SLC4A4: variants seen among roughly 807,000 people sequenced by gnomAD.
SLC4A4 encodes electrogenic sodium bicarbonate cotransporter 1.
SLC4A4 carries 27 observed loss-of-function variants against 111.5 expected under a neutral mutation model. The observed-to-expected ratio is 0.24, with a 90% CI of 0.18 to 0.33. SLC4A4 has a LOEUF of 0.33. SLC4A4 is among the 10% of genes least tolerant of loss of function. SLC4A4 has a pLI of 1.00. For synonymous variants in SLC4A4, 443 were observed against 463.4 expected, an observed-to-expected ratio of 0.96 and a Z score of 0.57; for missense variants, 909 against 1,315.5, an observed-to-expected ratio of 0.69 and a Z score of 4.78.
At position 71,350,181 on chromosome 4, in the gene SLC4A4, A is replaced by T. The variant is rs188924372; in HGVS notation, c.550+109A>T. 3.6e-6 allele frequency: 4 copies of T among 1,106,170 alleles called. No individual in the cohort carries two copies. In the East Asian group the frequency reaches 7.1e-5, roughly 20 times the overall value. The allele number at this position is 1,106,170 out of a possible 1,614,324, so 68.5% of individuals were successfully genotyped here. A position where few individuals can be genotyped will look rare whatever the true frequency, so the allele number is the denominator to read the frequency against. ...TAAGCAGAGTTAAATGTTTTATAAC[A>T]TTTATTCTCTCTTTTTGCATTATAA... On this transcript the variant is annotated intron_variant, in intron 5 of 25. Transcript: ENST00000264485.
At chr4:71,418,672 T>G (rs1460723760) in intron 7 of SLC4A4, among the ~76,000 whole-genome samples, 1 of 152,148 alleles carries the variant, frequency 6.6e-6, no homozygotes, top group Non-Finnish European at 1.5e-5. Flanking sequence ...AAAACAAAAA[T>G]ATGTTTCTAG....
intron 4 of SLC4A4, among the ~76,000 whole-genome samples, chr4:71,340,484 T>TTA (rs1728818473): frequency 6.6e-6 from 1 of 152,198 alleles, no homozygotes; most frequent in Non-Finnish European, 1.5e-5. Context: ...TTATTACGTT[T>TTA]TATATACAGG....
chr4:71,115,911 G>A (rs1031137967), intron 2 of SLC4A4, among the ~76,000 whole-genome samples: 1 of 151,466 alleles, frequency 6.6e-6, no homozygotes, highest in Non-Finnish European at 1.5e-5. Flanking sequence ...TTTTGTTTTT[G>A]GAGACGGAGT....
At chr4:71,407,029 G>A (rs540235442) in intron 7 of SLC4A4, among the ~76,000 whole-genome samples, 26 of 152,206 alleles carry the variant, frequency 1.7e-4, no homozygotes, top group African/African-American at 5.8e-4. Flanking sequence ...AAGTTAAATA[G>A]CATCTAAATG....
chr4:71,403,273 C>A (rs1720535665), intron 7 of SLC4A4, among the ~76,000 whole-genome samples: 1 of 152,104 alleles, frequency 6.6e-6, no homozygotes, highest in Admixed American at 6.6e-5. Context: ...TAAAACACCC[C>A]ATCACTGCAT....
intron 2 of SLC4A4, among the ~76,000 whole-genome samples, chr4:71,141,966 TACAATATAATAG>T (rs1302745911): frequency 2.6e-5 from 4 of 152,356 alleles, no homozygotes; most frequent in African/African-American, 9.6e-5. Flanking sequence ...AGGCTGGCCC[TACAATATAATAG>T]CACTTACTGA....
At chr4:71,338,571 T>TA (rs1326576457) in intron 3 of SLC4A4, among the ~76,000 whole-genome samples, 1 of 151,818 alleles carries the variant, frequency 6.6e-6, no homozygotes, top group East Asian at 1.9e-4. Context: ...TTCTTCTTTT[T>TA]TTTTTTTTTG....
rs371044274 is a variant in SLC4A4 at position 71,487,032 on chromosome 4, T to A, written c.1974+14T>A. ...TCTACTGACATGGTAAGTGACTTAC[T>A]ATTTTAAATTACCTTCATACTGACT... On this transcript the variant is annotated intron_variant, in intron 15 of 25. Coordinates refer to ENST00000264485, the MANE Select transcript of SLC4A4 (RefSeq NM_001098484.3). The A allele has an allele frequency of 1.8e-4, 263 of 1,471,190 alleles. No individual in the cohort carries two copies. Among genetic ancestry groups the A allele is most frequent in the Non-Finnish European group, 2.5e-4 (263 of 1,052,190 alleles). The allele number at this position is 1,471,190 out of a possible 1,614,324, so 91.1% of individuals were successfully genotyped here.
chr4:71,122,142 C>T lies in SLC4A4; in HGVS notation c.-2+29350C>T, dbSNP rs117572726. ...AACTGTAACACTCACCACGAGCGTC[C>T]GTGGCTGCATTCTTGAAGTCAGTGA... is the stretch of plus-strand genomic sequence containing the variant. On this transcript the variant is annotated intron_variant, in intron 2 of 26. Transcript: ENST00000649996. Among the ~76,000 whole-genome samples the T allele has an allele frequency of 7.2e-3, 1,097 of 151,950 alleles. 45 individuals carry two copies. In the East Asian group the frequency reaches 0.11, roughly 15 times the overall value.
At chr4:71,293,854 C>G (rs1408334546) in intron 3 of SLC4A4, among the ~76,000 whole-genome samples, 2 of 152,188 alleles carry the variant, frequency 1.3e-5, no homozygotes, top group African/African-American at 4.8e-5. Context: ...CGCTGTCACT[C>G]TTAGTCTGAG....
At chr4:71,301,260 T>A (rs1725234124) in intron 3 of SLC4A4, 1 of 247,764 alleles carries the variant, frequency 4.0e-6, no homozygotes, top group African/African-American at 2.3e-5. Context: ...TTACGGGAAA[T>A]CAAGTTATGG....
At chr4:71,174,468 G>A (rs570036315) in intron 2 of SLC4A4, among the ~76,000 whole-genome samples, 135 of 151,948 alleles carry the variant, frequency 8.9e-4, no homozygotes, top group Non-Finnish European at 1.5e-3. Context: ...GGCTGGTCTC[G>A]AACTCCTGGA....
At chr4:71,495,274 C>T (rs1218291839) in intron 15 of SLC4A4, among the ~76,000 whole-genome samples, 2 of 152,060 alleles carry the variant, frequency 1.3e-5, no homozygotes, top group African/African-American at 4.8e-5. Flanking sequence ...TTTAATGCAA[C>T]TTATCTGTGG....
Position 71,404,630 on chromosome 4 carries a change from C to A in SLC4A4, c.807+6977C>A, listed in dbSNP as rs543484498. On this transcript the variant is annotated intron_variant, in intron 7 of 25. Coordinates refer to ENST00000264485, the MANE Select transcript of SLC4A4 (RefSeq NM_001098484.3). ...CTTTGATGGACGTATACTCTCACAT[C>A]ACAAGTTACTTACATCTGACAGAGA... 5.3e-5 allele frequency among the ~76,000 whole-genome samples: 8 copies of A among 152,252 alleles called. No individual in the cohort carries two copies. In the South Asian group the frequency reaches 1.7e-3, roughly 32 times the overall value.
intron 20 of SLC4A4, among the ~76,000 whole-genome samples, chr4:71,552,194 T>C (rs1560614190): frequency 6.6e-6 from 1 of 151,942 alleles, no homozygotes; most frequent in East Asian, 1.9e-4. Context: ...ATACTCTTTA[T>C]CATACCCTCT....
At chr4:71,546,622 G>T in intron 19 of SLC4A4, 94 bp downstream of exon 19, 1 of 1,057,042 alleles carries the variant, frequency 9.5e-7, no homozygotes, top group South Asian at 1.3e-5. Flanking sequence ...GGAGGAGACA[G>T]GGCTTGTGAT....
At chr4:71,191,996 T>A (rs1053652176) in intron 1 of SLC4A4, among the ~76,000 whole-genome samples, 15 of 152,106 alleles carry the variant, frequency 9.9e-5, no homozygotes, top group African/African-American at 3.6e-4. Context: ...AAATACAAAA[T>A]GAGAAAGGAG....
intron 2 of SLC4A4, among the ~76,000 whole-genome samples, chr4:71,119,401 T>C (rs1373593818): frequency 2.0e-5 from 3 of 151,988 alleles, no homozygotes; most frequent in Admixed American, 1.3e-4. Flanking sequence ...TTTTTTTTAG[T>C]GTTGGGGTTT....
chr4:71,357,939 A>G (rs988840366), intron 6 of SLC4A4, among the ~76,000 whole-genome samples: 12 of 152,198 alleles, frequency 7.9e-5, no homozygotes, highest in African/African-American at 2.9e-4. Flanking sequence ...ATGGAAAATG[A>G]AGGTATGAAG....
Sources: allele counts gnomAD v4.1 joint callset (sites outside exome capture counted in the v4.1 genomes callset), GRCh38; gene constraint gnomAD v4.1.1; transcripts MANE v1.5; gene names NCBI Gene and HGNC (gene_info 2026-07-23, HGNC 2026-07-21).